The following TNRC6B variants were observed in gnomAD, a reference collection of about 807,000 sequenced individuals.
The protein encoded by TNRC6B is trinucleotide repeat-containing gene 6B protein.
A neutral mutation model predicts 203.6 loss-of-function variants in TNRC6B; 52 were observed. The observed-to-expected ratio is 0.26, with a 90% CI of 0.20 to 0.32. The LOEUF is 0.32. Ranked by LOEUF, TNRC6B falls within the 10% of genes least tolerant of loss-of-function variation. The probability of loss-of-function intolerance (pLI) is 1.00; values close to 1 mark genes in which losing one functional copy is unlikely to be tolerated. For synonymous variants in TNRC6B, 838 were observed against 845.7 expected (o/e 0.99, Z 0.16); for missense variants, 1,923 against 2,286.2 (o/e 0.84, Z 3.24).
rs187548103 is a variant in TNRC6B at position 40,056,752 on chromosome 22, T to G, written c.-121+11754T>G. ...GTTGGAGGCTGCGGTGAGCTAGGAT[T>G]GCATCACTACACTCCAGCCTGAGAG... On this transcript the variant is annotated intron_variant, in intron 1 of 23. Transcript: ENST00000301923. 3.3e-3 allele frequency among the ~76,000 whole-genome samples: 486 copies of G among 147,236 alleles called. 4 individuals carry two copies. The highest frequency in any genetic ancestry group is 0.018 in the Middle Eastern group (5 of 284).
At chr22:40,307,877 A>C (rs1438647086) in intron 15 of TNRC6B, among the ~76,000 whole-genome samples, 2 of 152,124 alleles carry the variant, frequency 1.3e-5, no homozygotes, top group Non-Finnish European at 2.9e-5. Flanking sequence ...CTAGAGAAAA[A>C]AAGATCCGAA....
chr22:40,278,325 C>G (rs530099840), intron 9 of TNRC6B, among the ~76,000 whole-genome samples: 1 of 151,262 alleles, frequency 6.6e-6, no homozygotes, highest in Admixed American at 6.6e-5. Context: ...TTTGGGAGAC[C>G]GAGGTGGGTG....
intron 1 of TNRC6B, among the ~76,000 whole-genome samples, chr22:40,218,194 A>C (rs1489786606): frequency 6.6e-6 from 1 of 152,054 alleles, no homozygotes; most frequent in African/African-American, 2.4e-5. Context: ...ATGATTTTTA[A>C]AATTTTTTTA....
intron 3 of TNRC6B, among the ~76,000 whole-genome samples, chr22:40,136,987 TTGAA>T (rs1274908765): frequency 6.6e-6 from 1 of 152,204 alleles, no homozygotes; most frequent in Non-Finnish European, 1.5e-5. Context: ...ACAGTAGTAT[TTGAA>T]TGATCTGTTT....
At chr22:40,279,913 A>T in intron 9 of TNRC6B, 82 bp from the exon 10 acceptor site, 10 of 1,253,978 alleles carry the variant, frequency 8.0e-6, no homozygotes, top group Non-Finnish European at 1.2e-5. Flanking sequence ...CACCCCCATG[A>T]GGATAGTGGG....
intron 1 of TNRC6B, among the ~76,000 whole-genome samples, chr22:40,079,385 G>T (rs1018840611): frequency 6.6e-6 from 1 of 152,022 alleles, no homozygotes; most frequent in South Asian, 2.1e-4. Context: ...GTCTTTTCCA[G>T]CAGGGTGAAT....
At chr22:40,207,161 A>G (rs1217811676) in intron 1 of TNRC6B, among the ~76,000 whole-genome samples, 1 of 152,080 alleles carries the variant, frequency 6.6e-6, no homozygotes, top group Non-Finnish European at 1.5e-5. Context: ...AAAAATAAAT[A>G]CCAAATGGAT....
chr22:40,308,400 G>A (rs1253421689), intron 15 of TNRC6B, 112 bp from the exon 16 acceptor site: 3 of 1,256,410 alleles, frequency 2.4e-6, no homozygotes, highest in African/African-American at 3.0e-5. Context: ...TCTGAGTGGA[G>A]AAACTCTGTG....
chr22:40,222,728 C>CTCTTTTTTTTT (rs2069728214), intron 1 of TNRC6B, among the ~76,000 whole-genome samples: 1 of 40,216 alleles, frequency 2.5e-5, no homozygotes, highest in Non-Finnish European at 4.0e-5. Context: ...CTCTCTCTCT[C>CTCTTTTTTTTT]TTTTTTTTTT....
At chr22:40,124,321 C>CTTTTTTTTT (rs545893898) in intron 2 of TNRC6B, among the ~76,000 whole-genome samples, 1 of 134,066 alleles carries the variant, frequency 7.5e-6, no homozygotes. Context: ...ATCTTTTTAC[C>CTTTTTTTTT]TTTTTTTTTT....
chr22:40,319,380 A>G (rs1443292262), intron 21 of TNRC6B, among the ~76,000 whole-genome samples: 1 of 151,360 alleles, frequency 6.6e-6, no homozygotes, highest in Non-Finnish European at 1.5e-5. Flanking sequence ...GAGAAAGACC[A>G]CATTCACATA....
In TNRC6B at chr22:40,229,467, CTTTG is replaced by C. The variant is rs545061584; in HGVS notation, c.6-16544_6-16541del. Among the ~76,000 whole-genome samples the C allele has an allele frequency of 5.7e-4, 86 of 149,742 alleles. 1 individual carries two copies. In the South Asian group the frequency reaches 0.018, roughly 31 times the overall value. ...AGGCTTTTTTTTTTTTCTCTCTCTT[CTTTG>C]TTTTTCCTTTTACCTCCTTATTGAG... On this transcript the variant is annotated intron_variant, in intron 1 of 22. Transcript: ENST00000454349.
rs190026158 is a variant in TNRC6B at position 40,123,843 on chromosome 22, A to G, written c.-46-1929A>G. ...AATTACACATAAAATCTTTCTGGAT[A>G]AGTTATTGAGTTTTTCCAATGCTAT... On this transcript the variant is annotated intron_variant, in intron 2 of 23. Coordinates refer to the TNRC6B transcript ENST00000301923. Among the ~76,000 whole-genome samples the G allele has an allele frequency of 2.9e-4, 44 of 152,256 alleles. No individual in the cohort carries two copies. The East Asian group carries it at 7.5e-3, about 26-fold the overall frequency.
At position 40,103,981 on chromosome 22, in the gene TNRC6B, G is replaced by T. The variant is rs558469565; in HGVS notation, c.-120-13074G>T. On this transcript the variant is annotated intron_variant, in intron 1 of 23. Transcript: ENST00000301923. Reference sequence around the variant, plus strand: ...AAAAGAAAAAAAGAAGGCTGGGCCCGGTGGCTCATGCCTGTATTCCCAGCA... The same window carrying T: ...AAAAGAAAAAAAGAAGGCTGGGCCCTGTGGCTCATGCCTGTATTCCCAGCA... Among the ~76,000 whole-genome samples, 6 of 150,682 alleles carry T rather than the reference G, an allele frequency of 4.0e-5. No individual in the cohort carries two copies. The East Asian group carries it at 1.0e-3, about 26-fold the overall frequency.
intron 1 of TNRC6B, among the ~76,000 whole-genome samples, chr22:40,227,297 C>T (rs1299566081): frequency 6.7e-6 from 1 of 150,106 alleles, no homozygotes; most frequent in African/African-American, 2.4e-5. Context: ...AATCTGCCCA[C>T]CTCAGCCTCC....
In TNRC6B at chr22:40,266,564, TG is replaced by T; in HGVS notation, c.2335del (p.Glu779LysfsTer13). 6.2e-7 allele frequency: 1 copy of T among 1,613,452 alleles called. No homozygotes were observed. Among genetic ancestry groups the T allele is most frequent in the Non-Finnish European group, 8.5e-7 (1 of 1,179,678 alleles). On this transcript the variant is annotated frameshift_variant, in exon 5 of 23. Coordinates refer to ENST00000454349, the MANE Select transcript of TNRC6B (RefSeq NM_001162501.2). LOFTEE classifies it high-confidence loss of function. ...VSGWGEGGQN[E>X]IGTWGNGGNA... ...CTGGGTGGGGTGAAGGAGGGCAGAATGAAATCGGGACTTGGGGTAATGGTGG... is the reference window on the plus strand; with the variant it reads ...CTGGGTGGGGTGAAGGAGGGCAGAATAAATCGGGACTTGGGGTAATGGTGG...
chr22:40,185,018 C>T (rs1165517781), intron 1 of TNRC6B, among the ~76,000 whole-genome samples: 1 of 151,974 alleles, frequency 6.6e-6, no homozygotes. Flanking sequence ...CTTTTTGAGA[C>T]GGAGTCTTGC....
intron 3 of TNRC6B, 128 bp from the exon 4 acceptor site, chr22:40,261,704 T>TA: frequency 4.8e-6 from 4 of 828,148 alleles, no homozygotes; most frequent in Admixed American, 7.3e-5. Flanking sequence ...TGAGCCCGAG[T>TA]TCAAGACCAG....
At chr22:40,065,979 G>A (rs990409045) in intron 1 of TNRC6B, among the ~76,000 whole-genome samples, 19 of 152,110 alleles carry the variant, frequency 1.2e-4, no homozygotes, top group African/African-American at 4.6e-4. Flanking sequence ...GAACTCAGCT[G>A]AATACTCAGA....
Sources: allele counts gnomAD v4.1 joint callset (sites outside exome capture counted in the v4.1 genomes callset), GRCh38; gene constraint gnomAD v4.1.1; transcripts MANE v1.5; gene names NCBI Gene and HGNC (gene_info 2026-07-23, HGNC 2026-07-21).